Variants in TANC2 observed in about 807,000 individuals in gnomAD.
TANC2 encodes the protein protein TANC2.
Under a neutral mutation model 210.5 loss-of-function variants are expected in TANC2, and 26 were observed. The observed-to-expected ratio is 0.12, with a 90% CI of 0.09 to 0.17. TANC2 has a LOEUF of 0.17. Among genes scored for constraint, TANC2 ranks in the 10% least tolerant of loss-of-function variants. TANC2 has a pLI of 1.00. For synonymous variants in TANC2, 931 were observed against 967.1 expected (o/e 0.96, Z 0.69); for missense variants, 2,129 against 2,608.9 (o/e 0.82, Z 4.01).
At chr17:63,074,096 A>T (rs1201254710) in intron 3 of TANC2, 82 bp downstream of exon 3, 46 of 1,075,116 alleles carry the variant, frequency 4.3e-5, no homozygotes, top group Middle Eastern at 2.1e-4. Context: ...GGAGACTAGG[A>T]TATTGCCATG....
chr17:63,413,253 T>C (rs1169405500), intron 24 of TANC2: 2 of 301,438 alleles, frequency 6.6e-6, no homozygotes, highest in African/African-American at 4.3e-5. Flanking sequence ...TTTAAAATAA[T>C]TCCAAACTGA....
intron 16 of TANC2, among the ~76,000 whole-genome samples, chr17:63,389,095 G>A (rs982850767): frequency 1.3e-5 from 2 of 152,072 alleles, no homozygotes; most frequent in African/African-American, 2.4e-5. Flanking sequence ...AGTATAGGAG[G>A]CAATTGCTCT....
chr17:63,384,649 A>G (rs553563921), intron 15 of TANC2, among the ~76,000 whole-genome samples: 142 of 152,288 alleles, frequency 9.3e-4, no homozygotes, highest in African/African-American at 2.7e-3. Context: ...GTTAGCATAC[A>G]TATGTCAACA....
At chr17:63,099,290 T>A in exon 4 of TANC2, 1 of 1,582,660 alleles carries the variant, frequency 6.3e-7, no homozygotes, top group African/African-American at 1.3e-5. Context: ...CTCGCTCTCT[T>A]CCATCCTCCC....
At chr17:63,220,780 G>GTA (rs1423405149) in intron 7 of TANC2, among the ~76,000 whole-genome samples, 1 of 145,242 alleles carries the variant, frequency 6.9e-6, no homozygotes, top group Non-Finnish European at 1.5e-5. Flanking sequence ...ATATATACAT[G>GTA]TATGTGTATA....
At chr17:63,126,640 C>T (rs1481132347) in intron 4 of TANC2, among the ~76,000 whole-genome samples, 2 of 152,068 alleles carry the variant, frequency 1.3e-5, no homozygotes, top group African/African-American at 2.4e-5. Flanking sequence ...AATTCCTAGC[C>T]TCAGGTGATC....
chr17:63,087,452 C>G (rs756903112), intron 3 of TANC2, among the ~76,000 whole-genome samples: 1 of 151,546 alleles, frequency 6.6e-6, no homozygotes, highest in Non-Finnish European at 1.5e-5. Context: ...TTTTTTTTCT[C>G]CCTTCTCATA....
At chr17:63,107,648 TAA>T (rs1176454977) in intron 4 of TANC2, among the ~76,000 whole-genome samples, 1 of 151,740 alleles carries the variant, frequency 6.6e-6, no homozygotes, top group African/African-American at 2.4e-5. Flanking sequence ...GCATTAAAAA[TAA>T]ATGCTTTCAT....
chr17:63,211,320 G>A (rs77258885), intron 7 of TANC2, among the ~76,000 whole-genome samples: 13 of 152,074 alleles, frequency 8.5e-5, no homozygotes, highest in African/African-American at 3.1e-4. Context: ...CTTTGACCTA[G>A]GCCCTCATGA....
chr17:63,144,943 T>C (rs2039415259), intron 4 of TANC2, among the ~76,000 whole-genome samples: 1 of 152,112 alleles, frequency 6.6e-6, no homozygotes, highest in African/African-American at 2.4e-5. Flanking sequence ...ATATGAATTA[T>C]CATTTTTTTC....
chr17:63,307,890 C>A (rs1022377199), intron 9 of TANC2, among the ~76,000 whole-genome samples: 2 of 152,082 alleles, frequency 1.3e-5, no homozygotes, highest in Non-Finnish European at 2.9e-5. Context: ...CTCAGCCTCC[C>A]GAATAGCTGG....
rs895451535 is a variant in TANC2 at position 63,232,344 on chromosome 17, T to C, written c.770-5470T>C. Among the ~76,000 whole-genome samples the C allele has an allele frequency of 1.3e-5, 2 of 152,300 alleles. 1 individual carries two copies. Among genetic ancestry groups the C allele is most frequent in the Non-Finnish European group, 2.9e-5 (2 of 68,018 alleles). The stretch of plus-strand genomic sequence containing the variant: ...TGAAGGAGAAGAGCACTCTGGCTTT[T>C]TCAGTTTTCAGAATTTTTTCATTGA... On this transcript the variant is annotated intron_variant, in intron 7 of 27. Coordinates refer to ENST00000689528, the Ensembl canonical transcript of TANC2.
chr17:63,236,092 T>G (rs2042613087), intron 7 of TANC2, among the ~76,000 whole-genome samples: 1 of 152,046 alleles, frequency 6.6e-6, no homozygotes, highest in Non-Finnish European at 1.5e-5. Context: ...GCTTATTTTA[T>G]TCTAATTCTT....
intron 1 of TANC2, among the ~76,000 whole-genome samples, chr17:63,000,063 A>G (rs1359813348): frequency 6.6e-6 from 1 of 152,210 alleles, no homozygotes; most frequent in Non-Finnish European, 1.5e-5. Context: ...GGAAGAACAC[A>G]CACCAGGGCC....
At chr17:63,274,735 T>C (rs770944000) in intron 9 of TANC2, among the ~76,000 whole-genome samples, 1 of 152,132 alleles carries the variant, frequency 6.6e-6, no homozygotes, top group Non-Finnish European at 1.5e-5. Context: ...TAAGAATCAC[T>C]TGAACCTGGG....
chr17:63,355,344 A>G, exon 14 of TANC2: 4 of 1,607,142 alleles, frequency 2.5e-6, no homozygotes, highest in Non-Finnish European at 3.4e-6. Context: ...AGAATGGCTT[A>G]TCTGGAGAGA....
At chr17:63,110,864 G>A (rs1172202133) in intron 4 of TANC2, among the ~76,000 whole-genome samples, 1 of 152,142 alleles carries the variant, frequency 6.6e-6, no homozygotes. Flanking sequence ...GTTAAACATG[G>A]CAGACTTTGG....
intron 13 of TANC2, among the ~76,000 whole-genome samples, chr17:63,353,010 A>C (rs889377049): frequency 1.3e-5 from 2 of 152,158 alleles, no homozygotes; most frequent in African/African-American, 4.8e-5. Context: ...GGATAACTGG[A>C]TAGTAGTTGT....
intron 5 of TANC2, among the ~76,000 whole-genome samples, chr17:63,158,587 TTTTTC>T (rs2039919571): frequency 6.6e-6 from 1 of 152,190 alleles, no homozygotes; most frequent in Admixed American, 6.5e-5. Context: ...GTCTTTTTGT[TTTTTC>T]TTATCTAGAA....
Sources: allele counts gnomAD v4.1 joint callset (sites outside exome capture counted in the v4.1 genomes callset), GRCh38; gene constraint gnomAD v4.1.1; transcripts MANE v1.5; gene names NCBI Gene and HGNC (gene_info 2026-07-23, HGNC 2026-07-21).